EFCAB7: variants seen among roughly 807,000 people sequenced by gnomAD.
EFCAB7 encodes EF-hand calcium binding domain 7, also known as EF-hand calcium-binding domain-containing protein 7.
In EFCAB7, 66 loss-of-function variants were observed where a neutral mutation model predicts 77.1. The ratio of observed to expected loss-of-function variants is 0.86; its 90% CI spans 0.70 to 1.05. The LOEUF (loss-of-function observed/expected upper bound fraction) is 1.05. EFCAB7 is among the 50% of genes least tolerant of loss of function. EFCAB7 has a pLI of 0.00. For synonymous variants in EFCAB7, 225 were observed against 243.3 expected, an observed-to-expected ratio of 0.92 and a Z score of 0.70; for missense variants, 638 against 730.5, an observed-to-expected ratio of 0.87 and a Z score of 1.46.
At chr1:63,564,439 A>C (rs1647146713) in intron 11 of EFCAB7, among the ~76,000 whole-genome samples, 1 of 152,196 alleles carries the variant, frequency 6.6e-6, no homozygotes, top group South Asian at 2.1e-4. Flanking sequence ...GAGCCAATTC[A>C]CGAAAGAACT....
intron 2 of EFCAB7, among the ~76,000 whole-genome samples, chr1:63,528,654 C>CA (rs1451523739): frequency 1.3e-5 from 2 of 151,656 alleles, no homozygotes; most frequent in African/African-American, 4.8e-5. Context: ...ATACCTGTAT[C>CA]AAAAAATCTC....
At chr1:63,567,290 T>A (rs544204322) in intron 11 of EFCAB7, among the ~76,000 whole-genome samples, 1 of 152,176 alleles carries the variant, frequency 6.6e-6, no homozygotes, top group East Asian at 1.9e-4. Flanking sequence ...TTGTCTCTAC[T>A]AAAAATACAA....
chr1:63,533,543 G>A lies in EFCAB7; in HGVS notation c.576G>A (p.Gln192=). Residue 192 remains glutamine (Q), a synonymous_variant, in exon 5 of 14, where the codon CAG becomes CAA. Transcript: ENST00000371088. ...TTGACAGTAAATTGATGCGTCACCA[G>A]TTTGGAAACCACATCGAAGGGTCCC... is the stretch of plus-strand genomic sequence containing the variant. ...LEVDSKLMRH[Q]FGNHIEGSPE... is the part of the protein sequence containing the mutation. The A allele has an allele frequency of 6.2e-7, 1 of 1,613,332 alleles. No homozygotes were observed. Among genetic ancestry groups the A allele is most frequent in the Non-Finnish European group, 8.5e-7 (1 of 1,179,596 alleles).
intron 9 of EFCAB7, 84 bp downstream of exon 9, chr1:63,555,599 C>G (rs1647021671): frequency 1.7e-6 from 2 of 1,160,688 alleles, no homozygotes; most frequent in African/African-American, 1.5e-5. Context: ...TTGGCCAGCT[C>G]CCACCCCCAT....
rs1297812753 is a variant in EFCAB7 at position 63,565,379 on chromosome 1, C to CA, written c.1498-2924dup. ...GTCTCAAAAAAAAAAACAACAACAA[C>CA]AAAAAAATTTTAAGATAAAGACTGA... is the stretch of plus-strand genomic sequence containing the variant. On this transcript the variant is annotated intron_variant, in intron 11 of 13. Coordinates refer to ENST00000371088, the MANE Select transcript of EFCAB7 (RefSeq NM_032437.4). Among the ~76,000 whole-genome samples, 104 of 151,002 alleles carry CA rather than the reference C, an allele frequency of 6.9e-4. 1 individual carries two copies. The highest frequency in any genetic ancestry group is 2.2e-3 in the African/African-American group (91 of 41,150).
chr1:63,570,450 T>C (rs965606942), intron 12 of EFCAB7: 1 of 152,212 alleles, frequency 6.6e-6, no homozygotes, highest in African/African-American at 2.4e-5. Context: ...TAAATACCTC[T>C]GTTACAAGAC....
intron 11 of EFCAB7, among the ~76,000 whole-genome samples, chr1:63,564,256 T>C (rs951406845): frequency 2.0e-5 from 3 of 152,114 alleles, no homozygotes; most frequent in Non-Finnish European, 2.9e-5. Context: ...GTTGTTTGCT[T>C]CCTATATTAA....
intron 2 of EFCAB7, 146 bp downstream of exon 2, chr1:63,525,905 C>T: frequency 1.8e-6 from 1 of 571,418 alleles, no homozygotes; most frequent in South Asian, 2.7e-5. Context: ...GCTATTATGT[C>T]ATATCATATA....
intron 11 of EFCAB7, among the ~76,000 whole-genome samples, chr1:63,562,463 A>T (rs1321991018): frequency 1.5e-5 from 1 of 67,258 alleles, no homozygotes; most frequent in Non-Finnish European, 2.9e-5. Flanking sequence ...ATATATATAT[A>T]TATATATATA....
chr1:63,547,316 A>G (rs1646910633), intron 7 of EFCAB7: 1 of 152,224 alleles, frequency 6.6e-6, no homozygotes, highest in African/African-American at 2.4e-5. Flanking sequence ...AGGATACATT[A>G]GAGTTAAAAA....
intron 7 of EFCAB7, chr1:63,549,565 G>GA (rs751438623): frequency 5.2e-4 from 218 of 422,204 alleles, no homozygotes; most frequent in Admixed American, 9.6e-4. Flanking sequence ...TATCAAAAAG[G>GA]AAAAAAAAAT....
At chr1:63,533,215 C>G (rs1479976372) in intron 4 of EFCAB7, among the ~76,000 whole-genome samples, 1 of 152,142 alleles carries the variant, frequency 6.6e-6, no homozygotes, top group Non-Finnish European at 1.5e-5. Context: ...TAAATCACCT[C>G]TCCTTGTGTA....
the EFCAB7 span, among the ~76,000 whole-genome samples, chr1:63,580,124 G>C: frequency 6.6e-6 from 1 of 152,140 alleles, no homozygotes; most frequent in Non-Finnish European, 1.5e-5. Flanking sequence ...TTGGTGTCAA[G>C]TTAGAAGTCG....
At chr1:63,580,957 T>TA in the EFCAB7 span, among the ~76,000 whole-genome samples, 27,319 of 152,056 alleles carry the variant, frequency 0.18, 2,562 homozygotes, top group Middle Eastern at 0.26. Flanking sequence ...GGTTTTTTTT[T>TA]ATTGTGTTTT....
downstream of EFCAB7, among the ~76,000 whole-genome samples, chr1:63,575,751 T>G (rs1382089264): frequency 1.3e-5 from 2 of 148,760 alleles, no homozygotes; most frequent in Non-Finnish European, 2.9e-5. Flanking sequence ...ACCCAGCTCG[T>G]TTTCATATTT....
chr1:63,576,670 T>A (rs112077685), downstream of EFCAB7, among the ~76,000 whole-genome samples: 3,504 of 138,140 alleles, frequency 0.025, 154 homozygotes, highest in African/African-American at 0.087. Context: ...AAAATAAAAT[T>A]AAAAAAAAAA....
chr1:63,572,769 G>A, downstream of EFCAB7: 1 of 688,008 alleles, frequency 1.5e-6, no homozygotes, highest in Non-Finnish European at 1.8e-6. Context: ...TATTTCACCT[G>A]GGTGCAGGTG....
In EFCAB7 at chr1:63,551,805, G is replaced by C. The variant is rs184130250; in HGVS notation, c.1027G>C (p.Val343Leu). The change falls in exon 8 of 14, where the codon GTG (valine) becomes CTG (leucine). Residue 343 changes from valine (V) to leucine (L), a missense_variant. Transcript: ENST00000371088. The stretch of plus-strand genomic sequence containing the variant: ...TGAGAGTCAAGCAAATCTACAGCTT[G>C]TGTGTTTTACCGAACTACGAAATAG... ...ENESQANLQL[V>L]CFTELRNREV... The C allele has an allele frequency of 6.3e-7, 1 of 1,594,254 alleles. No individual in the cohort carries two copies. Among genetic ancestry groups the C allele is most frequent in the East Asian group, 2.3e-5 (1 of 44,180 alleles).
chr1:63,557,285 T>A (rs759783616), intron 10 of EFCAB7, 38 bp downstream of exon 10: 19 of 1,543,616 alleles, frequency 1.2e-5, no homozygotes, highest in Admixed American at 2.2e-5. Flanking sequence ...TGTATAAAAA[T>A]ATATATATAG....
Sources: gnomAD v4.1 joint callset for allele counts (sites outside exome capture counted in the v4.1 genomes callset) on GRCh38, gnomAD v4.1.1 for gene constraint, MANE v1.5 for transcripts, NCBI Gene and HGNC (gene_info 2026-07-23, HGNC 2026-07-21) for gene names.